The following TRIM40 variants were observed in gnomAD, a reference collection of about 807,000 sequenced individuals.
TRIM40 encodes the protein tripartite motif containing 40.
A neutral mutation model predicts 26.1 loss-of-function variants in TRIM40; 27 were observed. The ratio of observed to expected loss-of-function variants is 1.04; its 90% confidence interval spans 0.76 to 1.43. TRIM40 has a LOEUF of 1.43. Among genes scored for constraint, TRIM40 ranks in the 40% most tolerant of loss-of-function variants. TRIM40 has a pLI of 0.00. For missense variants in TRIM40, 289 were observed against 307.9 expected, an observed-to-expected ratio of 0.94 and a Z score of 0.46; for synonymous variants, 114 against 120.0, an observed-to-expected ratio of 0.95 and a Z score of 0.33.
chr6:30,137,032 A>G lies in TRIM40; in HGVS notation c.-5A>G. 1 of 1,611,304 alleles carries G rather than the reference A, an allele frequency of 6.2e-7. No individual in the cohort carries two copies. The highest frequency in any genetic ancestry group is 8.5e-7 in the Non-Finnish European group (1 of 1,178,850). On this transcript the variant is annotated 5_prime_UTR_variant, in exon 2 of 6. Transcript: ENST00000396581. ...ACAGGAGGCTGACAGGGTAGGAACG[A>G]GGCCATGATCCCTTTGCAGAAGGAC...
At chr6:30,145,077 C>T (rs1183740913) in intron 2 of TRIM40, among the ~76,000 whole-genome samples, 6 of 152,100 alleles carry the variant, frequency 3.9e-5, no homozygotes, top group Non-Finnish European at 7.4e-5. Context: ...CCCTTGCTGA[C>T]CCCTCACACA....
At chr6:30,146,925 CTG>C in intron 3 of TRIM40, 58 bp from the exon 4 acceptor site, 1 of 1,493,900 alleles carries the variant, frequency 6.7e-7, no homozygotes, top group East Asian at 2.5e-5. Context: ...CATTCAGAGA[CTG>C]TGAAGGGCCA....
rs1389253437 is a variant in TRIM40 at position 30,137,009 on chromosome 6, A to G, written c.-28A>G. ...CAGTGAAGAAGGAGGCCCTGCAAAC[A>G]GGAGGCTGACAGGGTAGGAACGAGG... On this transcript the variant is annotated 5_prime_UTR_variant, in exon 2 of 6. Transcript: ENST00000396581. 6.3e-7 allele frequency: 1 copy of G among 1,597,118 alleles called. No individual in the cohort carries two copies. Among genetic ancestry groups the G allele is most frequent in the African/African-American group, 1.3e-5 (1 of 74,632 alleles).
intron 2 of TRIM40, among the ~76,000 whole-genome samples, chr6:30,145,567 C>T (rs3815086): frequency 0.22 from 33,499 of 152,104 alleles, 4,033 homozygotes; most frequent in Admixed American, 0.25. Context: ...TCACTCATCC[C>T]AGTGAGGACC....
intron 4 of TRIM40, 64 bp from the exon 5 acceptor site, chr6:30,147,456 A>G: frequency 6.2e-7 from 1 of 1,612,252 alleles, no homozygotes; most frequent in Non-Finnish European, 8.5e-7. Context: ...TGAATTGGGA[A>G]AGGAATTTGG....
chr6:30,137,958 A>C (rs1190922450), intron 2 of TRIM40, among the ~76,000 whole-genome samples: 1 of 152,178 alleles, frequency 6.6e-6, no homozygotes, highest in Non-Finnish European at 1.5e-5. Context: ...TAAAGTCAAG[A>C]CTAAAAATTT....
chr6:30,148,149 T>A lies in TRIM40; in HGVS notation c.*337T>A, dbSNP rs1581547266. The A allele has an allele frequency of 2.6e-6, 1 of 379,870 alleles. No homozygotes were observed. The highest frequency in any genetic ancestry group is 4.6e-5 in the East Asian group (1 of 21,552). 23.5% of individuals were successfully genotyped at this position (379,870 alleles called of 1,614,324 possible). A position where few individuals can be genotyped will look rare whatever the true frequency, so the allele number is the denominator to read the frequency against. Reference sequence around the variant, plus strand: ...TCACAATCTCATTCAAATAGGATCCTCCAGGCCTCTGAATGGCCCGAGCTC... The same window carrying A: ...TCACAATCTCATTCAAATAGGATCCACCAGGCCTCTGAATGGCCCGAGCTC... On this transcript the variant is annotated 3_prime_UTR_variant, in exon 6 of 6. Coordinates refer to ENST00000396581, the MANE Select transcript of TRIM40 (RefSeq NM_001286633.2).
chr6:30,138,853 T>C (rs1771169054), intron 2 of TRIM40, among the ~76,000 whole-genome samples: 1 of 152,090 alleles, frequency 6.6e-6, no homozygotes, highest in Non-Finnish European at 1.5e-5. Context: ...TGATACAGAA[T>C]GAGAAAGTGG....
At chr6:30,142,737 C>A (rs1458748340) in intron 2 of TRIM40, among the ~76,000 whole-genome samples, 1 of 152,080 alleles carries the variant, frequency 6.6e-6, no homozygotes, top group South Asian at 2.1e-4. Flanking sequence ...GATGACTCCA[C>A]GTTAATTTTC....
At chr6:30,147,453 G>A (rs2127428305) in intron 4 of TRIM40, 67 bp from the exon 5 acceptor site, 2 of 1,611,898 alleles carry the variant, frequency 1.2e-6, no homozygotes, top group Non-Finnish European at 1.7e-6. Flanking sequence ...GAGTGAATTG[G>A]GAAAGGAATT....
At chr6:30,142,762 C>G (rs1771417893) in intron 2 of TRIM40, among the ~76,000 whole-genome samples, 1 of 151,918 alleles carries the variant, frequency 6.6e-6, no homozygotes. Context: ...ATTCTGGTAT[C>G]CAGTTGTTCC....
In TRIM40 at chr6:30,137,139, C is replaced by CGAGTGTA; in HGVS notation, c.109_110insAGAGTGT (p.Cys37Ter). ...CACCAACTGCGGACATCTCTTCTGT[C>CGAGTGTA]GAGTGTGCCTGACACAGCATGTGGA... On this transcript the variant is annotated stop_gained and frameshift_variant, in exon 2 of 6. Transcript: ENST00000396581. LOFTEE classifies it high-confidence loss of function. 2.5e-6 allele frequency: 4 copies of CGAGTGTA among 1,613,078 alleles called. No individual in the cohort carries two copies. The highest frequency in any genetic ancestry group is 3.4e-6 in the Non-Finnish European group (4 of 1,180,036).
intron 2 of TRIM40, among the ~76,000 whole-genome samples, chr6:30,140,974 G>A (rs9261485): frequency 0.21 from 31,265 of 151,938 alleles, 3,543 homozygotes; most frequent in East Asian, 0.27. Flanking sequence ...ATCCATCCAG[G>A]CAAAGACAAT....
At chr6:30,146,584 C>T (rs1301212548) in intron 3 of TRIM40, among the ~76,000 whole-genome samples, 1 of 151,920 alleles carries the variant, frequency 6.6e-6, no homozygotes, top group African/African-American at 2.4e-5. Flanking sequence ...CTAATTTTTT[C>T]TATATTTTAG....
intron 2 of TRIM40, among the ~76,000 whole-genome samples, chr6:30,138,752 T>C (rs1450160206): frequency 6.6e-6 from 1 of 152,222 alleles, no homozygotes; most frequent in African/African-American, 2.4e-5. Context: ...ATTGACAATA[T>C]TTTCACATGG....
intron 2 of TRIM40, among the ~76,000 whole-genome samples, chr6:30,137,945 G>C (rs1414245194): frequency 6.6e-6 from 1 of 152,140 alleles, no homozygotes; most frequent in East Asian, 1.9e-4. Flanking sequence ...GCACTGAAAG[G>C]TATAAAGTCA....
rs764190937 is a variant in TRIM40, at chr6:30,146,017, G to A, written c.369G>A (p.Arg123=). ...HYKERLNRRS[R]KLRKDIAELQ... ...AGGAACGACTCAATCGCCGGAGCAG[G>A]AAGCTCAGAAAGGACATTGCAGAAC... Residue 123 remains arginine, a synonymous_variant, in exon 3 of 6, where the codon AGG becomes AGA. Transcript: ENST00000396581. The A allele has an allele frequency of 1.2e-6, 2 of 1,613,074 alleles. No homozygotes were observed. Among genetic ancestry groups the A allele is most frequent in the East Asian group, 4.5e-5 (2 of 44,880 alleles).
chr6:30,141,303 A>G (rs1032847146), intron 2 of TRIM40, among the ~76,000 whole-genome samples: 4 of 152,226 alleles, frequency 2.6e-5, no homozygotes, highest in Admixed American at 2.0e-4. Context: ...CACTGCAGCC[A>G]GGAAGACAGA....
intron 2 of TRIM40, among the ~76,000 whole-genome samples, chr6:30,138,871 A>T (rs758023086): frequency 5.3e-5 from 8 of 152,222 alleles, no homozygotes; most frequent in Non-Finnish European, 8.8e-5. Context: ...TGGGGAGTCC[A>T]GATTAAAAGT....
Sources: gnomAD v4.1 joint callset for allele counts (sites outside exome capture counted in the v4.1 genomes callset) on GRCh38, gnomAD v4.1.1 for gene constraint, MANE v1.5 for transcripts, NCBI Gene and HGNC (gene_info 2026-07-23, HGNC 2026-07-21) for gene names.